The following MSANTD5 variants were observed in gnomAD, a reference collection of about 807,000 sequenced individuals.
MSANTD5 encodes the protein uncharacterized protein MSANTD5.
At chr5:178,697,315 G>A (rs911103627) in intron 1 of MSANTD5, among the ~76,000 whole-genome samples, 17 of 151,524 alleles carry the variant, frequency 1.1e-4, no homozygotes, top group South Asian at 2.1e-4. Context: ...TTAGCCGGGC[G>A]TGGTGGCGGG....
the MSANTD5 span, among the ~76,000 whole-genome samples, chr5:178,706,515 G>C: frequency 1.3e-5 from 2 of 151,830 alleles, no homozygotes; most frequent in Non-Finnish European, 2.9e-5. Context: ...ACCTACTCAA[G>C]TGTTCTCCAG....
chr5:178,707,237 C>T, the MSANTD5 span: 1 of 152,026 alleles, frequency 6.6e-6, no homozygotes, highest in African/African-American at 2.4e-5. Context: ...AACAGAATCA[C>T]AAAAGTCCTT....
chr5:178,697,270 C>A (rs557787257), intron 1 of MSANTD5, among the ~76,000 whole-genome samples: 6 of 150,128 alleles, frequency 4.0e-5, no homozygotes, highest in African/African-American at 1.5e-4. Flanking sequence ...CTGGCTAACA[C>A]GGTGAAACCC....
At chr5:178,700,549 G>A (rs1448106442), upstream of MSANTD5, among the ~76,000 whole-genome samples, 2 of 147,648 alleles carry the variant, frequency 1.4e-5, no homozygotes, top group African/African-American at 2.5e-5. Context: ...ACCTCACTGG[G>A]CCCCTGGGAG....
At chr5:178,704,852 C>T in the MSANTD5 span, among the ~76,000 whole-genome samples, 1 of 152,142 alleles carries the variant, frequency 6.6e-6, no homozygotes, top group Non-Finnish European at 1.5e-5. Context: ...CACTCTTAAC[C>T]CAGCCGTGGA....
downstream of MSANTD5, among the ~76,000 whole-genome samples, chr5:178,691,650 T>C (rs1765358692): frequency 7.4e-6 from 1 of 134,922 alleles, no homozygotes; most frequent in Admixed American, 7.5e-5. Context: ...CCATATCCCA[T>C]AAAACGAATA....
At chr5:178,700,488 G>A (rs188249606), upstream of MSANTD5, among the ~76,000 whole-genome samples, 10 of 152,224 alleles carry the variant, frequency 6.6e-5, no homozygotes, top group East Asian at 5.8e-4. Flanking sequence ...GGAGTATCAC[G>A]GGCTTTGCCA....
chr5:178,692,760 G>T (rs1354897820), downstream of MSANTD5, among the ~76,000 whole-genome samples: 1 of 151,996 alleles, frequency 6.6e-6, no homozygotes, highest in African/African-American at 2.4e-5. Flanking sequence ...TATTTCAGCG[G>T]TTGCCAGGAG....
chr5:178,696,010 G>A (rs1374453978), intron 2 of MSANTD5, 87 bp downstream of exon 2: 1 of 152,176 alleles, frequency 6.6e-6, no homozygotes, highest in Non-Finnish European at 1.5e-5. Flanking sequence ...CCCCTCTTGG[G>A]GCTTGGATGA....
chr5:178,693,630 A>T (rs1320722390), downstream of MSANTD5, among the ~76,000 whole-genome samples: 1 of 152,066 alleles, frequency 6.6e-6, no homozygotes, highest in East Asian at 1.9e-4. Context: ...AGCACGAAAG[A>T]GGACCTGAGC....
upstream of MSANTD5, among the ~76,000 whole-genome samples, chr5:178,699,215 A>G (rs542685250): frequency 6.6e-6 from 1 of 152,100 alleles, no homozygotes; most frequent in South Asian, 2.1e-4. Flanking sequence ...AACTTTAGGC[A>G]CCTCAGCCCT....
chr5:178,693,705 C>T (rs1048057163), downstream of MSANTD5, among the ~76,000 whole-genome samples: 1 of 151,982 alleles, frequency 6.6e-6, no homozygotes. Flanking sequence ...CCATGTCCTG[C>T]TGATTGGTCT....
At chr5:178,707,208 T>A in the MSANTD5 span, 1 of 152,042 alleles carries the variant, frequency 6.6e-6, no homozygotes, top group Non-Finnish European at 1.5e-5. Context: ...GAATGAAGAA[T>A]AGAAGAATAT....
the MSANTD5 span, among the ~76,000 whole-genome samples, chr5:178,706,523 C>T: frequency 6.6e-6 from 1 of 151,850 alleles, no homozygotes; most frequent in Non-Finnish European, 1.5e-5. Context: ...AAGTGTTCTC[C>T]AGTGGTATAA....
chr5:178,698,331 T>C (rs1765441182), upstream of MSANTD5, among the ~76,000 whole-genome samples: 1 of 151,950 alleles, frequency 6.6e-6, no homozygotes, highest in Non-Finnish European at 1.5e-5. Context: ...TTTGGGCAAG[T>C]AAGTGACGGT....
chr5:178,705,495 C>A, the MSANTD5 span, among the ~76,000 whole-genome samples: 1 of 152,232 alleles, frequency 6.6e-6, no homozygotes, highest in South Asian at 2.1e-4. Flanking sequence ...AAGATGTACT[C>A]CCTGATGATT....
At chr5:178,701,936 T>C (rs1017877999), upstream of MSANTD5, among the ~76,000 whole-genome samples, 2 of 151,044 alleles carry the variant, frequency 1.3e-5, no homozygotes, top group African/African-American at 4.8e-5. Flanking sequence ...TTTCTCCATG[T>C]TGGTCAGGCT....
chr5:178,698,982 T>C (rs1765449153), upstream of MSANTD5, among the ~76,000 whole-genome samples: 1 of 152,066 alleles, frequency 6.6e-6, no homozygotes, highest in Non-Finnish European at 1.5e-5. Context: ...CATCTCTTCA[T>C]TTCCACAGAC....
chr5:178,700,317 T>A (rs1765463295), upstream of MSANTD5, among the ~76,000 whole-genome samples: 1 of 152,210 alleles, frequency 6.6e-6, no homozygotes, highest in Non-Finnish European at 1.5e-5. Flanking sequence ...AATCCCGTGA[T>A]AGGACAGCTT....
Sources: allele counts gnomAD v4.1 joint callset (sites outside exome capture counted in the v4.1 genomes callset), GRCh38; gene constraint gnomAD v4.1.1; transcripts MANE v1.5; gene names NCBI Gene and HGNC (gene_info 2026-07-23, HGNC 2026-07-21).